KCNA1: variants seen among roughly 807,000 people sequenced by gnomAD.
KCNA1 encodes potassium voltage-gated channel subfamily A member 1.
In KCNA1, 19 loss-of-function variants were observed where a neutral mutation model predicts 28.8. The observed-to-expected ratio is 0.66, with a 90% CI of 0.46 to 0.97. The LOEUF (loss-of-function observed/expected upper bound fraction) is 0.97. Ranked by LOEUF, KCNA1 falls within the 50% of genes least tolerant of loss-of-function variation. KCNA1 has a pLI of 0.00. For missense variants in KCNA1, 419 were observed against 659.7 expected, an observed-to-expected ratio of 0.64 and a Z score of 4.00; for synonymous variants, 311 against 268.8, an observed-to-expected ratio of 1.16 and a Z score of -1.53.
At position 4,912,969 on chromosome 12, in the gene KCNA1, T is replaced by C. The variant is rs1947361963; in HGVS notation, c.*103T>C. 1 of 840,018 alleles carries C rather than the reference T, an allele frequency of 1.2e-6. No homozygotes were observed. The highest frequency in any genetic ancestry group is 1.4e-5 in the South Asian group (1 of 72,644). 52.0% of individuals were successfully genotyped at this position (840,018 alleles called of 1,614,324 possible). On this transcript the variant is annotated 3_prime_UTR_variant, in exon 2 of 2. Transcript: ENST00000382545. The stretch of plus-strand genomic sequence containing the variant: ...CTCATGTCACGCTTTGTAGATACTT[T>C]ACTAAGTAGACTTGGAATGCTCTAT...
rs1947346822 is a variant in KCNA1, at chr12:4,911,007, C to A, written c.-372C>A. On this transcript the variant is annotated 5_prime_UTR_variant, in exon 2 of 2. Transcript: ENST00000382545. This position sits in a 1 kb window ranked among gnomAD's most constrained non-coding sequence, Gnocchi z 6.6. ...GGAGGGGAGGGGAGGCCAGGGCGAC[C>A]CCCGAAGCAATGGCCCAGTCCGCTA... 7.3e-6 allele frequency: 2 copies of A among 273,226 alleles called. No homozygotes were observed. Among genetic ancestry groups the A allele is most frequent in the East Asian group, 1.9e-4 (2 of 10,368 alleles). 16.9% of individuals were successfully genotyped at this position (273,226 alleles called of 1,614,324 possible).
Position 4,912,299 on chromosome 12 carries a change from C to A in KCNA1, c.921C>A (p.Arg307=). Residue 307 remains arginine, a synonymous_variant, in exon 2 of 2, where the codon CGC becomes CGA. Transcript: ENST00000382545. ...VRVFRIFKLS[R]HSKGLQILGQ... ...TTTTTAGAATCTTCAAGCTCTCCCG[C>A]CACTCTAAGGGCCTCCAGATCCTGG... 4 of 1,613,780 alleles carry A rather than the reference C, an allele frequency of 2.5e-6. No individual in the cohort carries two copies. Among genetic ancestry groups the A allele is most frequent in the Non-Finnish European group, 3.4e-6 (4 of 1,179,994 alleles).
rs754013861 is a variant in KCNA1, at chr12:4,911,859, G to T, written c.481G>T (p.Glu161Ter). Residue 161 changes from glutamate (E) to a stop codon, truncating the protein, a stop_gained, in exon 2 of 2, where the codon GAG (glutamate) becomes TAG (stop). Transcript: ENST00000382545. LOFTEE classifies it high-confidence loss of function. The surrounding 1 kb of genome is among the most constrained non-coding windows in gnomAD (Gnocchi z 6.6). ...RQVWLLFEYPESSGPARVIAI... is the reference protein window; with the variant it reads ...RQVWLLFEYP ...GGTGTGGCTGCTCTTCGAGTACCCC[G>T]AGAGCTCGGGGCCCGCCAGGGTCAT... is the stretch of plus-strand genomic sequence containing the variant. 6.2e-7 allele frequency: 1 copy of T among 1,613,926 alleles called. No individual in the cohort carries two copies. The highest frequency in any genetic ancestry group is 1.1e-5 in the South Asian group (1 of 91,046).
Position 4,912,857 on chromosome 12 carries a change from C to A in KCNA1, c.1479C>A (p.Thr493=), listed in dbSNP as rs765530769. The change falls in exon 2 of 2, where the codon ACC becomes ACA. Residue 493 remains threonine, a synonymous_variant. Transcript: ENST00000382545. ...QNCVNKSKLL[T]DV is the part of the protein sequence containing the mutation. ...GCGTTAATAAGAGCAAGCTACTGAC[C>A]GATGTTTAAAAAACAAAGGCAAGCA... The A allele has an allele frequency of 7.4e-6, 12 of 1,611,182 alleles. No individual in the cohort carries two copies. In the East Asian group the frequency reaches 2.0e-4, roughly 27 times the overall value.
chr12:4,915,198 C>T lies in KCNA1; in HGVS notation c.*2332C>T, dbSNP rs1336122783. On this transcript the variant is annotated 3_prime_UTR_variant, in exon 2 of 2. Transcript: ENST00000382545. ...CCTGTTCCTGGCTGAAAGAGAGCCA[C>T]GGAACACAGGCCTCTGGAGCTCGGC... 1.8e-5 allele frequency: 3 copies of T among 167,116 alleles called. No homozygotes were observed. Among genetic ancestry groups the T allele is most frequent in the Non-Finnish European group, 2.9e-5 (2 of 68,190 alleles). 10.4% of individuals were successfully genotyped at this position (167,116 alleles called of 1,614,324 possible). A position where few individuals can be genotyped will look rare whatever the true frequency, so the allele number is the denominator to read the frequency against.
At position 4,911,045 on chromosome 12, in the gene KCNA1, G is replaced by C. The variant is rs1379541721; in HGVS notation, c.-334G>C. Reference sequence around the variant, plus strand: ...GCCCAGTCCGCTAGAACGGCACTGCGTTAAGGCACCTGGGATCAGGAAGAA... The same window carrying C: ...GCCCAGTCCGCTAGAACGGCACTGCCTTAAGGCACCTGGGATCAGGAAGAA... On this transcript the variant is annotated 5_prime_UTR_variant, in exon 2 of 2. Coordinates refer to ENST00000382545, the MANE Select transcript of KCNA1 (RefSeq NM_000217.3). The surrounding 1 kb of genome is among the most constrained non-coding windows in gnomAD (Gnocchi z 6.6). 2 of 403,648 alleles carry C rather than the reference G, an allele frequency of 5.0e-6. No homozygotes were observed. Among genetic ancestry groups the C allele is most frequent in the Non-Finnish European group, 9.2e-6 (2 of 217,622 alleles). The allele number at this position is 403,648 out of a possible 1,614,324, so 25.0% of individuals were successfully genotyped here.
rs2137672481 is a variant in KCNA1, at chr12:4,911,326, C to T, written c.-53C>T. On this transcript the variant is annotated 5_prime_UTR_variant, in exon 2 of 2. Transcript: ENST00000382545. The surrounding 1 kb of genome is among the most constrained non-coding windows in gnomAD (Gnocchi z 6.6). ...CCCCCCCACCCCTGGTCCCTGGCTGCTTCCCACCCCGGGCTCTCTCCTGGC... is the reference window on the plus strand; with the variant it reads ...CCCCCCCACCCCTGGTCCCTGGCTGTTTCCCACCCCGGGCTCTCTCCTGGC... 1.3e-6 allele frequency: 2 copies of T among 1,553,908 alleles called. No homozygotes were observed. Among genetic ancestry groups the T allele is most frequent in the African/African-American group, 2.7e-5 (2 of 74,014 alleles).
Position 4,910,602 on chromosome 12 carries a change from C to G in KCNA1, c.-540+130C>G, listed in dbSNP as rs1947343946. 6.6e-6 allele frequency: 1 copy of G among 152,644 alleles called. No individual in the cohort carries two copies. The highest frequency in any genetic ancestry group is 2.1e-4 in the South Asian group (1 of 4,832). The allele number at this position is 152,644 out of a possible 1,614,324, so 9.5% of individuals were successfully genotyped here. A position where few individuals can be genotyped will look rare whatever the true frequency, so the allele number is the denominator to read the frequency against. ...GCGTCTCTCGGCGCTTTTCCGATCT[C>G]TAGTTTAACGAAGTTGTAAACAGAT... On this transcript the variant is annotated intron_variant, in intron 1 of 1. Transcript: ENST00000382545. The surrounding 1 kb of genome is among the most constrained non-coding windows in gnomAD (Gnocchi z 4.9).
rs1159078254 is a variant in KCNA1 at position 4,917,023 on chromosome 12, A to G, written c.*4157A>G. The stretch of plus-strand genomic sequence containing the variant: ...TGGATTGAAAGAAAGGAGAAAGAAC[A>G]TTAGCAGAAGGCACTTTCCCATTTT... On this transcript the variant is annotated 3_prime_UTR_variant, in exon 2 of 2. Transcript: ENST00000382545. 1 of 167,096 alleles carries G rather than the reference A, an allele frequency of 6.0e-6. No individual in the cohort carries two copies. The highest frequency in any genetic ancestry group is 1.5e-5 in the Non-Finnish European group (1 of 68,126). 10.4% of individuals were successfully genotyped at this position (167,096 alleles called of 1,614,324 possible).
rs1591627327 is a variant in KCNA1 at position 4,911,357 on chromosome 12, A to C, written c.-22A>C. ...ACCCCGGGCTCTCTCCTGGCCTCCC[A>C]CCCCCGCGCCCGGCTTCCACCATGA... On this transcript the variant is annotated 5_prime_UTR_variant, in exon 2 of 2. Transcript: ENST00000382545. This position sits in a 1 kb window ranked among gnomAD's most constrained non-coding sequence, Gnocchi z 6.6. The C allele has an allele frequency of 4.7e-6, 7 of 1,499,848 alleles. No individual in the cohort carries two copies. Among genetic ancestry groups the C allele is most frequent in the South Asian group, 1.1e-5 (1 of 88,506 alleles). 92.9% of individuals were successfully genotyped at this position (1,499,848 alleles called of 1,614,324 possible).
Position 4,912,031 on chromosome 12 carries a change from C to G in KCNA1, c.653C>G (p.Thr218Arg), listed in dbSNP as rs1280516411. Residue 218 changes from threonine (T) to arginine (R), a missense_variant, in exon 2 of 2, where the codon ACA (threonine) becomes AGA (arginine). By Grantham distance (71) the Thr-to-Arg change is moderately conservative. Transcript: ENST00000382545. ...GTCATCTACAATTCCAACATCTTCA[C>G]AGACCCCTTCTTCATCGTGGAAACG... ...TTVIYNSNIF[T>R]DPFFIVETLC... The G allele has an allele frequency of 6.2e-7, 1 of 1,614,206 alleles. No individual in the cohort carries two copies. The highest frequency in any genetic ancestry group is 1.3e-5 in the African/African-American group (1 of 75,060).
rs1047712225 is a variant in KCNA1, at chr12:4,915,151, C to T, written c.*2285C>T. The T allele has an allele frequency of 1.8e-5, 3 of 167,182 alleles. No individual in the cohort carries two copies. Among genetic ancestry groups the T allele is most frequent in the African/African-American group, 7.2e-5 (3 of 41,442 alleles). 10.4% of individuals were successfully genotyped at this position (167,182 alleles called of 1,614,324 possible). On this transcript the variant is annotated 3_prime_UTR_variant, in exon 2 of 2. Transcript: ENST00000382545. ...TAACTTCTGCTGCCCCCCCGTTACCCAGCCCAGAGAATGGTGGGGACCCTG... is the reference window on the plus strand; with the variant it reads ...TAACTTCTGCTGCCCCCCCGTTACCTAGCCCAGAGAATGGTGGGGACCCTG...
In KCNA1 at chr12:4,917,581, G is replaced by A. The variant is rs1373257903; in HGVS notation, c.*4715G>A. On this transcript the variant is annotated 3_prime_UTR_variant, in exon 2 of 2. Coordinates refer to ENST00000382545, the MANE Select transcript of KCNA1 (RefSeq NM_000217.3). ...AGTCCAGCATGTATGTAAGGGGTGA[G>A]GCCCTGCTGACCTCAGGGCTTTTCG... 6.0e-6 allele frequency: 1 copy of A among 167,072 alleles called. No individual in the cohort carries two copies. Among genetic ancestry groups the A allele is most frequent in the Non-Finnish European group, 1.5e-5 (1 of 68,122 alleles). The allele number at this position is 167,072 out of a possible 1,614,324, so 10.3% of individuals were successfully genotyped here. A position where few individuals can be genotyped will look rare whatever the true frequency, so the allele number is the denominator to read the frequency against.
chr12:4,917,160 G>A lies in KCNA1; in HGVS notation c.*4294G>A, dbSNP rs575627884. On this transcript the variant is annotated 3_prime_UTR_variant, in exon 2 of 2. Transcript: ENST00000382545. ...TGCCAAACAAGCATGTTATCTTCAG[G>A]CTTTTCCAAGCAAGAATGAAGTCTT... 1.8e-5 allele frequency: 3 copies of A among 167,082 alleles called. No homozygotes were observed. The highest frequency in any genetic ancestry group is 6.5e-5 in the Admixed American group (1 of 15,302). The allele number at this position is 167,082 out of a possible 1,614,324, so 10.3% of individuals were successfully genotyped here.
Position 4,912,177 on chromosome 12 carries a change from A to C in KCNA1, c.799A>C (p.Ile267Leu). ...IDIVAIIPYF[I>L]TLGTEIAEQE... ...CATTGTGGCCATCATTCCTTATTTC[A>C]TCACGCTGGGCACCGAGATAGCTGA... is the stretch of plus-strand genomic sequence containing the variant. Residue 267 changes from isoleucine to leucine, a missense_variant, in exon 2 of 2, where the codon ATC becomes CTC. This residue lies in a region of KCNA1 where 217 missense variants were observed against 329.6 expected (regional missense o/e 0.66). Coordinates refer to ENST00000382545, the MANE Select transcript of KCNA1 (RefSeq NM_000217.3). The C allele has an allele frequency of 6.2e-7, 1 of 1,612,792 alleles. No individual in the cohort carries two copies. The highest frequency in any genetic ancestry group is 8.5e-7 in the Non-Finnish European group (1 of 1,179,630).
chr12:4,911,484 T>G lies in KCNA1; in HGVS notation c.106T>G (p.Cys36Gly), dbSNP rs1385867628. ...GGCCGACCACGACGACCACGAGTGC[T>G]GCGAGCGCGTGGTGATCAACATCTC... ...RQADHDDHEC[C>G]ERVVINISGL... Residue 36 changes from cysteine to glycine, a missense_variant, in exon 2 of 2, where the codon TGC becomes GGC. Cys to Gly is a radical substitution (Grantham distance 159, BLOSUM62 -3). This residue lies in a region of KCNA1 where 67 missense variants were observed against 57.2 expected (regional missense o/e 1.17). Coordinates refer to ENST00000382545, the MANE Select transcript of KCNA1 (RefSeq NM_000217.3). The surrounding 1 kb of genome is among the most constrained non-coding windows in gnomAD (Gnocchi z 6.6). The G allele has an allele frequency of 6.2e-7, 1 of 1,614,052 alleles. No homozygotes were observed. The highest frequency in any genetic ancestry group is 8.5e-7 in the Non-Finnish European group (1 of 1,180,016).
Position 4,913,708 on chromosome 12 carries a change from A to C in KCNA1, c.*842A>C, listed in dbSNP as rs916153780. On this transcript the variant is annotated 3_prime_UTR_variant, in exon 2 of 2. Coordinates refer to ENST00000382545, the MANE Select transcript of KCNA1 (RefSeq NM_000217.3). ...CTTAGCCTCCTTATTGCAAGAGAGC[A>C]CAAATGAAGTTAAATGTAAGCATGT... 6.0e-6 allele frequency: 1 copy of C among 167,110 alleles called. No individual in the cohort carries two copies. Among genetic ancestry groups the C allele is most frequent in the Non-Finnish European group, 1.5e-5 (1 of 68,132 alleles). 10.4% of individuals were successfully genotyped at this position (167,110 alleles called of 1,614,324 possible). A position where few individuals can be genotyped will look rare whatever the true frequency, so the allele number is the denominator to read the frequency against.
In KCNA1 at chr12:4,912,993, A is replaced by G; in HGVS notation, c.*127A>G. On this transcript the variant is annotated 3_prime_UTR_variant, in exon 2 of 2. Coordinates refer to ENST00000382545, the MANE Select transcript of KCNA1 (RefSeq NM_000217.3). ...TTACTAAGTAGACTTGGAATGCTCT[A>G]TTTAACTGTCAATGCGTTGTTGCAT... is the stretch of plus-strand genomic sequence containing the variant. The G allele has an allele frequency of 1.3e-6, 1 of 762,872 alleles. No individual in the cohort carries two copies. The highest frequency in any genetic ancestry group is 2.3e-6 in the Non-Finnish European group (1 of 425,742). 47.3% of individuals were successfully genotyped at this position (762,872 alleles called of 1,614,324 possible).
At position 4,911,072 on chromosome 12, in the gene KCNA1, T is replaced by G. The variant is rs1015575469; in HGVS notation, c.-307T>G. ...TAAGGCACCTGGGATCAGGAAGAAA[T>G]ATCTAAACAACAACAACAGAAAACC... is the stretch of plus-strand genomic sequence containing the variant. On this transcript the variant is annotated 5_prime_UTR_variant, in exon 2 of 2. Transcript: ENST00000382545. This position sits in a 1 kb window ranked among gnomAD's most constrained non-coding sequence, Gnocchi z 6.6. The G allele has an allele frequency of 1.5e-5, 7 of 481,672 alleles. No homozygotes were observed. Among genetic ancestry groups the G allele is most frequent in the African/African-American group, 2.0e-5 (1 of 50,890 alleles). The allele number at this position is 481,672 out of a possible 1,614,324, so 29.8% of individuals were successfully genotyped here.
Sources: gnomAD v4.1 joint callset for allele counts on GRCh38, gnomAD v4.1.1 for gene constraint, gnomAD v4.1.1 regional missense constraint, Gnocchi (gnomAD v3.1) non-coding constraint, MANE v1.5 for transcripts, NCBI Gene and HGNC (gene_info 2026-07-23, HGNC 2026-07-21) for gene names.